DNAH9: variants seen among roughly 807,000 people sequenced by gnomAD.
DNAH9 encodes the protein dynein axonemal heavy chain 9, also known as DNAH9 variant protein.
A neutral mutation model predicts 471.6 loss-of-function variants in DNAH9; 345 were observed. The observed-to-expected ratio is 0.73, with a 90% CI of 0.67 to 0.80. The LOEUF (loss-of-function observed/expected upper bound fraction) is 0.80. DNAH9 is among the 30% of genes least tolerant of loss of function. DNAH9 has a pLI of 0.00. For synonymous variants in DNAH9, 2,093 were observed against 2,123.6 expected (o/e 0.99, Z 0.40); for missense variants, 5,407 against 5,609.2 (o/e 0.96, Z 1.15).
At chr17:11,744,075 G>A (rs1012649270) in intron 30 of DNAH9, among the ~76,000 whole-genome samples, 4 of 152,196 alleles carry the variant, frequency 2.6e-5, no homozygotes, top group Non-Finnish European at 4.4e-5. Context: ...TGATCCACCT[G>A]CCTCGGCCTC....
intron 26 of DNAH9, among the ~76,000 whole-genome samples, chr17:11,708,014 C>CAGAGAG (rs34314090): frequency 2.5e-4 from 13 of 52,210 alleles, no homozygotes; most frequent in South Asian, 9.1e-4. Context: ...CACACACACA[C>CAGAGAG]AGAGAGAGAG....
rs1022090124 is a variant in DNAH9, at chr17:11,819,950, T to G, written c.8708-1970T>G. Among the ~76,000 whole-genome samples, 8 of 152,270 alleles carry G rather than the reference T, an allele frequency of 5.3e-5. No homozygotes were observed. In the East Asian group the frequency reaches 1.5e-3, roughly 29 times the overall value. Reference sequence around the variant, plus strand: ...TTTTATTTTATTTTTTCTTAATTTTTTGCACGGTTTGGGGCCTCCTATATA... The same window carrying G: ...TTTTATTTTATTTTTTCTTAATTTTGTGCACGGTTTGGGGCCTCCTATATA... On this transcript the variant is annotated intron_variant, in intron 45 of 68. Transcript: ENST00000262442.
intron 33 of DNAH9, among the ~76,000 whole-genome samples, chr17:11,753,453 T>A (rs1967241781): frequency 6.6e-6 from 1 of 152,074 alleles, no homozygotes; most frequent in Non-Finnish European, 1.5e-5. Context: ...TCACCTGAGG[T>A]CAGGAGTTCA....
chr17:11,784,927 A>T (rs1158514745), intron 41 of DNAH9, among the ~76,000 whole-genome samples: 1 of 152,072 alleles, frequency 6.6e-6, no homozygotes, highest in Non-Finnish European at 1.5e-5. Context: ...TCTCGGGATG[A>T]AAAAGAGTGT....
At chr17:11,939,593 C>T (rs1974830606) in intron 66 of DNAH9, among the ~76,000 whole-genome samples, 1 of 152,152 alleles carries the variant, frequency 6.6e-6, no homozygotes, top group African/African-American at 2.4e-5. Context: ...CCTGTCCACA[C>T]CGCAGGTCAG....
Position 11,929,885 on chromosome 17 carries a change from A to G in DNAH9, c.11897A>G (p.Lys3966Arg), listed in dbSNP as rs1974448587. ...VILQNIHLVA[K>R]WLSTLEKKLE... is the part of the protein sequence containing the mutation. ...CACTAGAACATTCACCTGGTGGCCA[A>G]GTGGCTCAGCACCCTGGAGAAGAAG... The change falls in exon 63 of 69, where the codon AAG (lysine) becomes AGG (arginine). Residue 3966 changes from lysine (K) to arginine (R), a missense_variant. Lys to Arg is a conservative substitution (Grantham distance 26). Around this residue, in one of 3 missense-constraint regions of DNAH9, gnomAD observed 4,636 missense variants for 4,900.3 expected, o/e 0.95. Transcript: ENST00000262442. 3 of 1,613,798 alleles carry G rather than the reference A, an allele frequency of 1.9e-6. No individual in the cohort carries two copies.
intron 37 of DNAH9, 35 bp from the exon 38 acceptor site, chr17:11,769,087 C>T (rs1484202728): frequency 6.2e-7 from 1 of 1,610,880 alleles, no homozygotes; most frequent in South Asian, 1.1e-5. Context: ...TCCCTAGAGC[C>T]CACCCTTGGC....
At chr17:11,658,948 C>T (rs1427810422) in intron 14 of DNAH9, among the ~76,000 whole-genome samples, 1 of 151,956 alleles carries the variant, frequency 6.6e-6, no homozygotes, top group Non-Finnish European at 1.5e-5. Context: ...TTATCTTCTA[C>T]TTTTATTTTC....
chr17:11,944,695 C>T (rs539984400), intron 67 of DNAH9, among the ~76,000 whole-genome samples: 47 of 152,292 alleles, frequency 3.1e-4, no homozygotes, highest in African/African-American at 1.1e-3. Context: ...GACCATCCCC[C>T]AAGCTGGCCT....
At chr17:11,645,883 T>C (rs986918757) in intron 11 of DNAH9, among the ~76,000 whole-genome samples, 4 of 78,658 alleles carry the variant, frequency 5.1e-5, no homozygotes, top group East Asian at 3.1e-4. Context: ...CTTTTTCTTT[T>C]TTTTTTTTTT....
intron 67 of DNAH9, among the ~76,000 whole-genome samples, chr17:11,948,956 C>T (rs1448905392): frequency 1.3e-5 from 2 of 152,138 alleles, no homozygotes; most frequent in African/African-American, 4.8e-5. Context: ...ACCGTGAGCC[C>T]AGGGCAACAG....
Position 11,937,221 on chromosome 17 carries a change from C to G in DNAH9, c.12490-131C>G. The G allele has an allele frequency of 8.6e-7, 1 of 1,156,304 alleles. No homozygotes were observed. The allele number at this position is 1,156,304 out of a possible 1,614,324, so 71.6% of individuals were successfully genotyped here. On this transcript the variant is annotated intron_variant, in intron 65 of 68. Coordinates refer to ENST00000262442, the MANE Select transcript of DNAH9 (RefSeq NM_001372.4). This position sits in a 1 kb window ranked among gnomAD's most constrained non-coding sequence, Gnocchi z 4.1. ...TAGGTGGAGAGGGTGATGAAGTCAA[C>G]CAGGGATGGTGAGCAGTGTCCCCTG...
intron 28 of DNAH9, among the ~76,000 whole-genome samples, chr17:11,731,056 GTGA>G (rs1433240376): frequency 2.8e-5 from 4 of 144,704 alleles, no homozygotes; most frequent in Admixed American, 1.4e-4. Context: ...GATGGTGATG[GTGA>G]TGATGATGGT....
chr17:11,947,595 T>A (rs1055134264), intron 67 of DNAH9, among the ~76,000 whole-genome samples: 2 of 152,066 alleles, frequency 1.3e-5, no homozygotes, highest in African/African-American at 4.8e-5. Flanking sequence ...TTAGATATAT[T>A]GAGTTAAATA....
At chr17:11,926,843 A>C (rs1379571209) in intron 62 of DNAH9, among the ~76,000 whole-genome samples, 1 of 152,218 alleles carries the variant, frequency 6.6e-6, no homozygotes, top group Non-Finnish European at 1.5e-5. Context: ...ACTGTCTTCC[A>C]CAACGGTTGA....
chr17:11,689,907 CTG>C lies in DNAH9; in HGVS notation c.4090_4091del (p.Trp1364GlufsTer11), dbSNP rs754148664. 10 of 1,608,928 alleles carry C rather than the reference CTG, an allele frequency of 6.2e-6. No individual in the cohort carries two copies. On this transcript the variant is annotated frameshift_variant, in exon 20 of 69. Coordinates refer to ENST00000262442, the MANE Select transcript of DNAH9 (RefSeq NM_001372.4). LOFTEE classifies it high-confidence loss of function. ...GATGCATTCACAGGCCTGGAAAGCACTGTGTGGAACACGCTGAGCTCCCTGAG... is the reference window on the plus strand; with the variant it reads ...GATGCATTCACAGGCCTGGAAAGCACTGTGGAACACGCTGAGCTCCCTGAG...
At chr17:11,950,876 G>C (rs12940799) in intron 67 of DNAH9, among the ~76,000 whole-genome samples, 36,555 of 151,976 alleles carry the variant, frequency 0.24, 5,209 homozygotes, top group Middle Eastern at 0.34. Flanking sequence ...GCCTCGCTCT[G>C]GCCCAGTCCT....
chr17:11,930,820 G>A (rs1325440710), intron 63 of DNAH9, among the ~76,000 whole-genome samples: 2 of 150,858 alleles, frequency 1.3e-5, no homozygotes, highest in Non-Finnish European at 2.9e-5. Flanking sequence ...ACTCTGGGCT[G>A]GGGCCCAGGA....
intron 67 of DNAH9, among the ~76,000 whole-genome samples, chr17:11,942,900 T>C (rs1258067211): frequency 2.0e-5 from 3 of 148,466 alleles, no homozygotes; most frequent in Non-Finnish European, 4.5e-5. Context: ...TTTTTTCTTT[T>C]TTTTTTTTTT....
Sources: gnomAD v4.1 joint callset for allele counts (sites outside exome capture counted in the v4.1 genomes callset) on GRCh38, gnomAD v4.1.1 for gene constraint, gnomAD v4.1.1 regional missense constraint, Gnocchi (gnomAD v3.1) non-coding constraint, MANE v1.5 for transcripts, NCBI Gene and HGNC (gene_info 2026-07-23, HGNC 2026-07-21) for gene names.